Variants in FZD3 observed in about 807,000 individuals in gnomAD.
FZD3 encodes frizzled-3.
In FZD3, 30 loss-of-function variants were observed where a neutral mutation model predicts 60.7. The ratio of observed to expected loss-of-function variants is 0.49; its 90% CI spans 0.37 to 0.67. The LOEUF is 0.67. Among genes scored for constraint, FZD3 ranks in the 30% least tolerant of loss-of-function variants. The probability of loss-of-function intolerance (pLI) is 0.00; values close to 1 mark genes in which losing one functional copy is unlikely to be tolerated. For missense variants in FZD3, 605 were observed against 838.7 expected (o/e 0.72, Z 3.44); for synonymous variants, 246 against 275.2 (o/e 0.89, Z 1.05).
intron 5 of FZD3, among the ~76,000 whole-genome samples, chr8:28,530,940 C>T (rs953546614): frequency 6.6e-6 from 1 of 151,946 alleles, no homozygotes; most frequent in Non-Finnish European, 1.5e-5. Context: ...TTTCCTTTTA[C>T]TAATATAAAG....
rs1805648097 is a variant in FZD3, at chr8:28,563,244, A to C, written c.*233A>C. On this transcript the variant is annotated 3_prime_UTR_variant, in exon 8 of 8. Transcript: ENST00000240093. ...CAAAAATAATTCGTCTTTCTAGGTT[A>C]TGAAGAGATAATTATTTGTCTGGTA... The C allele has an allele frequency of 2.1e-6, 1 of 475,122 alleles. No individual in the cohort carries two copies. Among genetic ancestry groups the C allele is most frequent in the African/African-American group, 2.0e-5 (1 of 51,138 alleles). The allele number at this position is 475,122 out of a possible 1,614,324, so 29.4% of individuals were successfully genotyped here.
chr8:28,551,288 T>G (rs937691992), intron 5 of FZD3, among the ~76,000 whole-genome samples: 2 of 152,226 alleles, frequency 1.3e-5, no homozygotes, highest in Non-Finnish European at 2.9e-5. Flanking sequence ...TCCCAGCACT[T>G]TGGGAGGCTG....
At chr8:28,507,723 C>A (rs1804177334) in intron 3 of FZD3, among the ~76,000 whole-genome samples, 1 of 151,742 alleles carries the variant, frequency 6.6e-6, no homozygotes, top group Non-Finnish European at 1.5e-5. Flanking sequence ...TCCCAAGCAT[C>A]CATCAAAGGT....
rs1470213386 is a variant in FZD3, at chr8:28,563,895, A to G, written c.*884A>G. 2.0e-5 allele frequency: 3 copies of G among 152,678 alleles called. No individual in the cohort carries two copies. The highest frequency in any genetic ancestry group is 4.4e-5 in the Non-Finnish European group (3 of 68,046). The allele number at this position is 152,678 out of a possible 1,614,324, so 9.5% of individuals were successfully genotyped here. A position where few individuals can be genotyped will look rare whatever the true frequency, so the allele number is the denominator to read the frequency against. ...CATTATAAGGTAACCACAATTACAA[A>G]ATGGCAAAACATTTTCTCTGTATTC... is the stretch of plus-strand genomic sequence containing the variant. On this transcript the variant is annotated 3_prime_UTR_variant, in exon 8 of 8. Coordinates refer to ENST00000240093, the MANE Select transcript of FZD3 (RefSeq NM_017412.4).
chr8:28,529,799 T>C lies in FZD3; in HGVS notation c.1404+1635T>C, dbSNP rs538559837. ...TCAATTTCTTGCCAGAACTGCTTAC[T>C]AAAAACTCTTATTATGAGTTTTCAG... On this transcript the variant is annotated intron_variant, in intron 5 of 7. Transcript: ENST00000240093. Among the ~76,000 whole-genome samples, 81 of 152,312 alleles carry C rather than the reference T, an allele frequency of 5.3e-4. 3 individuals are homozygous for C. The South Asian group carries it at 0.013, about 25-fold the overall frequency.
chr8:28,557,762 CTCCT>C (rs1805538468), intron 7 of FZD3, among the ~76,000 whole-genome samples: 1 of 152,204 alleles, frequency 6.6e-6, no homozygotes, highest in East Asian at 1.9e-4. Context: ...AAGGATCTTT[CTCCT>C]TCCTTCCTTC....
chr8:28,551,216 A>G (rs1341404211), intron 5 of FZD3, among the ~76,000 whole-genome samples: 1 of 152,180 alleles, frequency 6.6e-6, no homozygotes, highest in African/African-American at 2.4e-5. Context: ...AAATTTGTAG[A>G]ATTATTTTAC....
rs918074752 is a variant in FZD3 at position 28,570,784 on chromosome 8, A to ATCAG, written c.*7776_*7779dup. 3.9e-5 allele frequency: 6 copies of ATCAG among 152,246 alleles called. No homozygotes were observed. Among genetic ancestry groups the ATCAG allele is most frequent in the African/African-American group, 1.4e-4 (6 of 41,528 alleles). The allele number at this position is 152,246 out of a possible 1,614,324, so 9.4% of individuals were successfully genotyped here. ...GCTCTGATTGTCTACATTAGCTCAT[A>ATCAG]TCAGTCTTTTGAACACTGGTTCAAA... is the stretch of plus-strand genomic sequence containing the variant. On this transcript the variant is annotated 3_prime_UTR_variant, in exon 8 of 8. Coordinates refer to ENST00000240093, the MANE Select transcript of FZD3 (RefSeq NM_017412.4).
chr8:28,498,756 G>T (rs775388187), intron 1 of FZD3, among the ~76,000 whole-genome samples: 8 of 152,072 alleles, frequency 5.3e-5, no homozygotes, highest in Non-Finnish European at 1.0e-4. Flanking sequence ...GTAGAGATGG[G>T]TTTTTGCCGT....
intron 5 of FZD3, among the ~76,000 whole-genome samples, chr8:28,532,969 A>G (rs1804917664): frequency 6.6e-6 from 1 of 152,202 alleles, no homozygotes; most frequent in South Asian, 2.1e-4. Flanking sequence ...TTAAGAAAGT[A>G]GATTTTTGTA....
chr8:28,551,998 A>C (rs1207973203), intron 6 of FZD3, among the ~76,000 whole-genome samples: 2 of 152,208 alleles, frequency 1.3e-5, no homozygotes, highest in Admixed American at 1.3e-4. Context: ...TACTTGAAGG[A>C]AGTCCAATCT....
intron 5 of FZD3, among the ~76,000 whole-genome samples, chr8:28,537,893 G>C (rs1805058957): frequency 6.6e-6 from 1 of 152,040 alleles, no homozygotes. Flanking sequence ...GAGGTCGGCA[G>C]ATCACCTGAG....
intron 7 of FZD3, among the ~76,000 whole-genome samples, chr8:28,560,535 C>G (rs886605304): frequency 1.3e-5 from 2 of 151,916 alleles, no homozygotes; most frequent in African/African-American, 4.8e-5. Context: ...GTAAATTTTT[C>G]TATGAAAAAT....
chr8:28,525,566 G>A (rs1804695097), intron 4 of FZD3, among the ~76,000 whole-genome samples: 1 of 152,184 alleles, frequency 6.6e-6, no homozygotes, highest in African/African-American at 2.4e-5. Context: ...AGACCAAAGT[G>A]GTTGGAGCCA....
At chr8:28,552,371 A>G (rs770696788) in intron 6 of FZD3, among the ~76,000 whole-genome samples, 2 of 152,226 alleles carry the variant, frequency 1.3e-5, no homozygotes, top group Non-Finnish European at 2.9e-5. Flanking sequence ...GCCATACTGC[A>G]TATTACAGTG....
At chr8:28,555,670 GAGA>G in intron 6 of FZD3, 65 bp from the exon 7 acceptor site, 1 of 859,176 alleles carries the variant, frequency 1.2e-6, no homozygotes, top group Admixed American at 1.9e-5. Flanking sequence ...CAGTGTTTCA[GAGA>G]AGTATTGCTT....
rs79373076 is a variant in FZD3, at chr8:28,506,169, G to T, written c.189+2967G>T. ...TCTTTACTGAGCCACCTATTATCAG[G>T]TATTTACGACTCTAGTGGTAATAAA... On this transcript the variant is annotated intron_variant, in intron 3 of 7. Transcript: ENST00000240093. Among the ~76,000 whole-genome samples, 719 of 152,232 alleles carry T rather than the reference G, an allele frequency of 4.7e-3. 26 individuals are homozygous for T. The East Asian group carries it at 0.091, about 19-fold the overall frequency.
intron 5 of FZD3, among the ~76,000 whole-genome samples, chr8:28,548,945 G>A (rs1433430264): frequency 2.0e-5 from 3 of 152,166 alleles, no homozygotes; most frequent in Non-Finnish European, 2.9e-5. Flanking sequence ...TGTCTCTTTT[G>A]TTATAGTTTG....
chr8:28,502,840 T>C lies in FZD3; in HGVS notation c.-174T>C, dbSNP rs1021382907. 1 of 415,876 alleles carries C rather than the reference T, an allele frequency of 2.4e-6. No individual in the cohort carries two copies. The highest frequency in any genetic ancestry group is 2.0e-5 in the African/African-American group (1 of 48,944). The allele number at this position is 415,876 out of a possible 1,614,324, so 25.8% of individuals were successfully genotyped here. On this transcript the variant is annotated 5_prime_UTR_variant, in exon 3 of 8. Transcript: ENST00000240093. ...TTGTGAAACCAAAAACAAACGCCTTTTGTGAGACCAAGCTAACAAACCTCT... is the reference window on the plus strand; with the variant it reads ...TTGTGAAACCAAAAACAAACGCCTTCTGTGAGACCAAGCTAACAAACCTCT...
Sources: gnomAD v4.1 joint callset for allele counts (sites outside exome capture counted in the v4.1 genomes callset) on GRCh38, gnomAD v4.1.1 for gene constraint, MANE v1.5 for transcripts, NCBI Gene and HGNC (gene_info 2026-07-23, HGNC 2026-07-21) for gene names.